Variants in RBFOX1 observed in about 807,000 individuals in gnomAD.
The protein encoded by RBFOX1 is RNA binding protein fox-1 homolog 1.
In RBFOX1, 8 loss-of-function variants were observed where a neutral mutation model predicts 57.7. The ratio of observed to expected loss-of-function variants is 0.14; its 90% CI spans 0.08 to 0.25. The LOEUF (loss-of-function observed/expected upper bound fraction) is 0.25. Ranked by LOEUF, RBFOX1 falls within the 10% of genes least tolerant of loss-of-function variation. RBFOX1 has a pLI of 1.00. For synonymous variants in RBFOX1, 326 were observed against 222.4 expected, an observed-to-expected ratio of 1.47 and a Z score of -4.15; for missense variants, 611 against 548.5, an observed-to-expected ratio of 1.11 and a Z score of -1.14.
intron 4 of RBFOX1, among the ~76,000 whole-genome samples, chr16:7,066,764 T>C (rs1424555181): frequency 6.6e-6 from 1 of 152,144 alleles, no homozygotes; most frequent in Non-Finnish European, 1.5e-5. Flanking sequence ...GCCAGGGTTT[T>C]CCAGGGAGAA....
chr16:6,762,926 T>C (rs990063902), intron 3 of RBFOX1, among the ~76,000 whole-genome samples: 3 of 152,122 alleles, frequency 2.0e-5, no homozygotes, highest in Non-Finnish European at 2.9e-5. Context: ...GCATCTGAGC[T>C]GAAACCTGAA....
chr16:6,950,581 A>G (rs571952718), intron 3 of RBFOX1, among the ~76,000 whole-genome samples: 4 of 152,298 alleles, frequency 2.6e-5, no homozygotes, highest in South Asian at 2.1e-4. Context: ...ACTTATTTCC[A>G]TAGCATTAAG....
intron 2 of RBFOX1, among the ~76,000 whole-genome samples, chr16:6,340,105 G>T (rs1467762427): frequency 1.3e-5 from 2 of 152,184 alleles, no homozygotes; most frequent in African/African-American, 4.8e-5. Flanking sequence ...ACAAAGTGCA[G>T]CCTGATTAAT....
intron 2 of RBFOX1, among the ~76,000 whole-genome samples, chr16:6,380,119 AGAGGTGGGG>A (rs1450523814): frequency 1.3e-5 from 2 of 152,070 alleles, no homozygotes; most frequent in Non-Finnish European, 2.9e-5. Context: ...GAGGCATCTG[AGAGGTGGGG>A]GAGGTTGAAG....
chr16:6,790,079 T>C (rs1338273569), intron 3 of RBFOX1, among the ~76,000 whole-genome samples: 1 of 133,210 alleles, frequency 7.5e-6, no homozygotes, highest in Non-Finnish European at 1.8e-5. Flanking sequence ...CTTATTTATA[T>C]TTTTCTATTA....
At chr16:5,742,522 C>T (rs973465355) in intron 3 of RBFOX1, among the ~76,000 whole-genome samples, 1 of 152,136 alleles carries the variant, frequency 6.6e-6, no homozygotes, top group Admixed American at 6.6e-5. Context: ...GAGAAACAAG[C>T]CCGATCACTT....
At chr16:6,223,744 G>A (rs973115756) in intron 1 of RBFOX1, among the ~76,000 whole-genome samples, 5 of 152,146 alleles carry the variant, frequency 3.3e-5, no homozygotes, top group Non-Finnish European at 7.3e-5. Flanking sequence ...TGTTGCCATT[G>A]CTTTTGGTGT....
At chr16:5,306,578 G>A (rs1370406646) in intron 1 of RBFOX1, among the ~76,000 whole-genome samples, 1 of 152,148 alleles carries the variant, frequency 6.6e-6, no homozygotes, top group Non-Finnish European at 1.5e-5. Context: ...AGATTGCTGG[G>A]ATTACGGTGT....
chr16:7,531,750 GTTTAT>G (rs1300927307), intron 5 of RBFOX1, among the ~76,000 whole-genome samples: 1 of 152,162 alleles, frequency 6.6e-6, no homozygotes, highest in Non-Finnish European at 1.5e-5. Flanking sequence ...CCCGTTAGTA[GTTTAT>G]TTTACCTAAA....
chr16:7,199,651 T>A (rs1350986202), intron 4 of RBFOX1, among the ~76,000 whole-genome samples: 2 of 152,214 alleles, frequency 1.3e-5, no homozygotes, highest in African/African-American at 4.8e-5. Flanking sequence ...CCCAGCACTT[T>A]GGCAGGCTGA....
At chr16:7,505,759 C>T (rs561398048) in intron 4 of RBFOX1, among the ~76,000 whole-genome samples, 1 of 152,302 alleles carries the variant, frequency 6.6e-6, no homozygotes, top group African/African-American at 2.4e-5. Context: ...CTCTGTGCTT[C>T]CCTACTGAGC....
intron 3 of RBFOX1, among the ~76,000 whole-genome samples, chr16:5,769,597 G>A (rs1443710806): frequency 6.6e-6 from 1 of 152,066 alleles, no homozygotes; most frequent in Non-Finnish European, 1.5e-5. Context: ...AGGTTGCGGT[G>A]AGCCGAGATC....
intron 3 of RBFOX1, among the ~76,000 whole-genome samples, chr16:5,684,672 C>G (rs747534434): frequency 1.3e-5 from 2 of 152,170 alleles, no homozygotes; most frequent in Non-Finnish European, 2.9e-5. Context: ...GCCTTTTCAT[C>G]AGCTTCTCCC....
At chr16:6,971,984 C>G (rs982207525) in intron 3 of RBFOX1, among the ~76,000 whole-genome samples, 2 of 152,096 alleles carry the variant, frequency 1.3e-5, no homozygotes, top group East Asian at 3.9e-4. Flanking sequence ...CACAGGCAAT[C>G]CCTGCACGCA....
In RBFOX1 at chr16:7,053,958, G is replaced by A. The variant is rs1052082438; in HGVS notation, c.27+1860G>A. ...GGTTCAAAATTTAAATAGTACCAAA[G>A]AGAGTGCAATGGAGTTTTCCCTTCC... On this transcript the variant is annotated intron_variant, in intron 4 of 15. Coordinates refer to ENST00000550418, the MANE Select transcript of RBFOX1 (RefSeq NM_018723.4). Among the ~76,000 whole-genome samples the A allele has an allele frequency of 2.6e-5, 4 of 152,188 alleles. No homozygotes were observed. In the South Asian group the frequency reaches 8.3e-4, roughly 32 times the overall value.
At chr16:7,090,919 C>G (rs2060735433) in intron 4 of RBFOX1, among the ~76,000 whole-genome samples, 1 of 152,164 alleles carries the variant, frequency 6.6e-6, no homozygotes, top group African/African-American at 2.4e-5. Flanking sequence ...TCCTGCTCTC[C>G]TGTGGTTATT....
chr16:5,488,622 A>G, intron 2 of RBFOX1, among the ~76,000 whole-genome samples: 1 of 66,546 alleles, frequency 1.5e-5, no homozygotes, highest in Non-Finnish European at 4.0e-5. Context: ...TGGTGATGAT[A>G]ATGGAGGATT....
intron 4 of RBFOX1, among the ~76,000 whole-genome samples, chr16:7,233,901 C>A (rs949246012): frequency 1.3e-5 from 2 of 152,206 alleles, no homozygotes; most frequent in South Asian, 2.1e-4. Context: ...TCAACGAGAG[C>A]TACTCTGACT....
At chr16:5,779,498 G>A (rs1454316434) in intron 3 of RBFOX1, among the ~76,000 whole-genome samples, 1 of 152,076 alleles carries the variant, frequency 6.6e-6, no homozygotes, top group African/African-American at 2.4e-5. Context: ...TCATGGTGTG[G>A]GGCCCAAGCT....
Sources: gnomAD v4.1 joint callset for allele counts (sites outside exome capture counted in the v4.1 genomes callset) on GRCh38, gnomAD v4.1.1 for gene constraint, MANE v1.5 for transcripts, NCBI Gene and HGNC (gene_info 2026-07-23, HGNC 2026-07-21) for gene names.